LARGE1: variants seen among roughly 807,000 people sequenced by gnomAD.
LARGE1 encodes xylosyl- and glucuronyltransferase LARGE1.
A neutral mutation model predicts 87.6 loss-of-function variants in LARGE1; 43 were observed. That is an observed-to-expected ratio of 0.49 (90% CI 0.38 to 0.63). LARGE1 has a LOEUF of 0.63. Among genes scored for constraint, LARGE1 ranks in the 30% least tolerant of loss-of-function variants. LARGE1 has a pLI of 0.00. For missense variants in LARGE1, 802 were observed against 1,000.2 expected, an observed-to-expected ratio of 0.80 and a Z score of 2.67; for synonymous variants, 434 against 394.6, an observed-to-expected ratio of 1.10 and a Z score of -1.18.
intron 5 of LARGE1, among the ~76,000 whole-genome samples, chr22:33,588,169 G>GA (rs1461230729): frequency 6.6e-6 from 1 of 152,214 alleles, no homozygotes; most frequent in Non-Finnish European, 1.5e-5. Context: ...TTGGGAAGCA[G>GA]AAAGAAGAGC....
At chr22:33,305,840 TTTTC>T (rs1243603757) in intron 11 of LARGE1, among the ~76,000 whole-genome samples, 7 of 123,346 alleles carry the variant, frequency 5.7e-5, no homozygotes, top group African/African-American at 2.0e-4. Context: ...TTCTTTTTCT[TTTTC>T]TTTTTTTTTT....
intron 2 of LARGE1, among the ~76,000 whole-genome samples, chr22:33,752,770 A>G (rs909716711): frequency 4.6e-5 from 7 of 152,230 alleles, no homozygotes; most frequent in Non-Finnish European, 1.0e-4. Flanking sequence ...GTGGTATGGA[A>G]GGCGGAAAAA....
intron 5 of LARGE1, among the ~76,000 whole-genome samples, chr22:33,590,347 C>A (rs1225513091): frequency 6.6e-6 from 1 of 152,158 alleles, no homozygotes; most frequent in Non-Finnish European, 1.5e-5. Context: ...GAGTTTAAAG[C>A]ATTTACGTTT....
At chr22:33,479,411 G>A (rs1168084337) in intron 6 of LARGE1, among the ~76,000 whole-genome samples, 2 of 152,222 alleles carry the variant, frequency 1.3e-5, no homozygotes, top group East Asian at 1.9e-4. Flanking sequence ...GAGGGAAAGG[G>A]AAGGGAGAAA....
chr22:33,778,398 T>C (rs1435440460), intron 1 of LARGE1, among the ~76,000 whole-genome samples: 1 of 152,206 alleles, frequency 6.6e-6, no homozygotes. Context: ...TTTAGTACAT[T>C]CACGATGTTG....
chr22:33,805,741 AAATAAATAAGTAAATAAATG>A (rs1202132690), intron 1 of LARGE1, among the ~76,000 whole-genome samples: 6 of 85,140 alleles, frequency 7.0e-5, no homozygotes, highest in Admixed American at 3.7e-4. Context: ...CTCAAAAAAT[AAATAAATAAGTAAATAAATG>A]AATAAATAAA....
At chr22:33,710,397 T>G (rs2082697399) in intron 2 of LARGE1, among the ~76,000 whole-genome samples, 1 of 152,184 alleles carries the variant, frequency 6.6e-6, no homozygotes. Flanking sequence ...CATGGTCTAA[T>G]GCATGATCAT....
intron 2 of LARGE1, among the ~76,000 whole-genome samples, chr22:33,726,491 G>A (rs528353583): frequency 7.9e-5 from 12 of 152,230 alleles, no homozygotes; most frequent in Admixed American, 4.6e-4. Flanking sequence ...TCGTAAACAC[G>A]TGGCAATATT....
chr22:33,842,940 AAACAAAACAAAAC>A (rs2063322912), intron 1 of LARGE1, among the ~76,000 whole-genome samples: 1 of 132,160 alleles, frequency 7.6e-6, no homozygotes, highest in Non-Finnish European at 1.5e-5. Flanking sequence ...AAACAAAACA[AAACAAAACAAAAC>A]AAAAAAACCA....
At chr22:33,787,020 C>CAA (rs1184293115) in intron 1 of LARGE1, among the ~76,000 whole-genome samples, 15 of 77,082 alleles carry the variant, frequency 1.9e-4, no homozygotes, top group African/African-American at 4.6e-4. Flanking sequence ...GACTCCATTT[C>CAA]AAAAAAAAAA....
chr22:33,483,991 T>G (rs2069452389), intron 6 of LARGE1, among the ~76,000 whole-genome samples: 1 of 152,152 alleles, frequency 6.6e-6, no homozygotes, highest in Non-Finnish European at 1.5e-5. Flanking sequence ...CTGGGAATCC[T>G]TGAGCATACG....
At chr22:33,749,945 T>C (rs1461817858) in intron 2 of LARGE1, among the ~76,000 whole-genome samples, 1 of 152,220 alleles carries the variant, frequency 6.6e-6, no homozygotes, top group East Asian at 1.9e-4. Flanking sequence ...CCTTGCTATC[T>C]TGGTGGCCTT....
chr22:33,079,421 G>A, the LARGE1 span, among the ~76,000 whole-genome samples: 1 of 151,754 alleles, frequency 6.6e-6, no homozygotes, highest in South Asian at 2.1e-4. Flanking sequence ...TAGAGATGGG[G>A]TTTCACTGTG....
intron 11 of LARGE1, among the ~76,000 whole-genome samples, chr22:33,184,934 C>T (rs137386): frequency 0.45 from 68,909 of 151,858 alleles, 15,964 homozygotes; most frequent in Middle Eastern, 0.5. Flanking sequence ...TGTGAAGCAA[C>T]GGGAACTATT....
intron 11 of LARGE1, among the ~76,000 whole-genome samples, chr22:33,168,093 G>A (rs769521485): frequency 4.6e-5 from 7 of 152,294 alleles, no homozygotes; most frequent in Middle Eastern, 3.4e-3. Context: ...ACGCCTAGCT[G>A]TGGGGTCTAA....
chr22:33,399,574 T>C (rs1486171659), intron 7 of LARGE1, among the ~76,000 whole-genome samples: 1 of 152,086 alleles, frequency 6.6e-6, no homozygotes, highest in Non-Finnish European at 1.5e-5. Flanking sequence ...ACCAGAAACT[T>C]CTGCTTTTTT....
the LARGE1 span, among the ~76,000 whole-genome samples, chr22:33,097,532 T>A: frequency 3.2e-4 from 48 of 152,350 alleles, no homozygotes; most frequent in African/African-American, 1.1e-3. Context: ...AAGTTTAATT[T>A]GATTTTTCCC....
chr22:33,627,958 T>C lies in LARGE1; in HGVS notation c.409-1632A>G, dbSNP rs368240254. Among the ~76,000 whole-genome samples the C allele has an allele frequency of 2.6e-5, 4 of 152,290 alleles. No individual in the cohort carries two copies. In the East Asian group the frequency reaches 7.7e-4, roughly 29 times the overall value. On this transcript the variant is annotated intron_variant, in intron 3 of 14. Transcript: ENST00000397394. ...TGCCGTTGACTGTTAGGCTCCATGC[T>C]GGCCCCCACCAGGGCTCATCTGAAC...
the LARGE1 span, among the ~76,000 whole-genome samples, chr22:33,098,238 C>T: frequency 6.6e-6 from 1 of 151,990 alleles, no homozygotes; most frequent in Non-Finnish European, 1.5e-5. Context: ...AGGCTTGAGG[C>T]TGCAGTGAGC....
Sources: gnomAD v4.1 joint callset for allele counts (sites outside exome capture counted in the v4.1 genomes callset) on GRCh38, gnomAD v4.1.1 for gene constraint, MANE v1.5 for transcripts, NCBI Gene and HGNC (gene_info 2026-07-23, HGNC 2026-07-21) for gene names.